ETV6: variants seen among roughly 807,000 people sequenced by gnomAD.
The protein encoded by ETV6 is ETS variant transcription factor 6.
Under a neutral mutation model 51.1 loss-of-function variants are expected in ETV6, and 16 were observed. That is an observed-to-expected ratio of 0.31 (90% CI 0.21 to 0.48). The LOEUF (loss-of-function observed/expected upper bound fraction) is 0.48, where lower values mean the gene tolerates loss of function less well. ETV6 is among the 20% of genes least tolerant of loss of function. The pLI is 0.99. For missense variants in ETV6, 458 were observed against 594.8 expected (o/e 0.77, Z 2.39); for synonymous variants, 240 against 224.1 (o/e 1.07, Z -0.64).
intron 1 of ETV6, among the ~76,000 whole-genome samples, chr12:11,653,511 C>G (rs1269769940): frequency 6.6e-6 from 1 of 152,218 alleles, no homozygotes; most frequent in Non-Finnish European, 1.5e-5. Flanking sequence ...AGCTCCCCTT[C>G]TGGACTCTGG....
intron 2 of ETV6, among the ~76,000 whole-genome samples, chr12:11,775,944 C>T (rs1382573922): frequency 2.0e-5 from 3 of 152,226 alleles, no homozygotes; most frequent in Non-Finnish European, 4.4e-5. Flanking sequence ...TTTTCAGTCT[C>T]ACCAGCATTT....
intron 5 of ETV6, among the ~76,000 whole-genome samples, chr12:11,877,150 G>A (rs1048445926): frequency 1.3e-5 from 2 of 152,174 alleles, no homozygotes; most frequent in East Asian, 3.9e-4. Context: ...GAAGAAAAAA[G>A]TATGAAACTC....
intron 7 of ETV6, among the ~76,000 whole-genome samples, chr12:11,886,840 G>A (rs941131848): frequency 2.6e-5 from 4 of 152,276 alleles, no homozygotes; most frequent in East Asian, 1.9e-4. Context: ...AGTCATTAGC[G>A]GGGCCAACTG....
intron 2 of ETV6, among the ~76,000 whole-genome samples, chr12:11,771,681 G>A (rs1023183348): frequency 6.6e-5 from 10 of 152,292 alleles, no homozygotes; most frequent in Admixed American, 5.9e-4. Flanking sequence ...CCCCTTCCCT[G>A]TAGAATTCTG....
intron 2 of ETV6, among the ~76,000 whole-genome samples, chr12:11,789,081 G>A (rs1235116612): frequency 1.3e-5 from 2 of 152,066 alleles, no homozygotes; most frequent in Non-Finnish European, 2.9e-5. Context: ...CGCCCGGACT[G>A]GAGTGCAGTT....
rs915772588 is a variant in ETV6, at chr12:11,863,160, A to G, written c.464-6264A>G. Among the ~76,000 whole-genome samples, 6 of 152,278 alleles carry G rather than the reference A, an allele frequency of 3.9e-5. No individual in the cohort carries two copies. The East Asian group carries it at 7.7e-4, about 20-fold the overall frequency. ...TGGAAACTTATCGGTCAAAACTTTCACTAAAGGCAGTTTTTTGTCTGTTTG... is the reference window on the plus strand; with the variant it reads ...TGGAAACTTATCGGTCAAAACTTTCGCTAAAGGCAGTTTTTTGTCTGTTTG... On this transcript the variant is annotated intron_variant, in intron 4 of 7. Coordinates refer to ENST00000396373, the MANE Select transcript of ETV6 (RefSeq NM_001987.5).
chr12:11,748,222 T>G (rs1865943346), intron 1 of ETV6, among the ~76,000 whole-genome samples: 1 of 152,212 alleles, frequency 6.6e-6, no homozygotes, highest in South Asian at 2.1e-4. Flanking sequence ...ACCACTATCC[T>G]GTGTCCATGA....
At chr12:11,739,664 A>C (rs1865772643) in intron 1 of ETV6, among the ~76,000 whole-genome samples, 1 of 152,076 alleles carries the variant, frequency 6.6e-6, no homozygotes, top group Non-Finnish European at 1.5e-5. Context: ...GTATGAAAAA[A>C]ACATAAAATA....
At chr12:11,870,232 C>G (rs1306821745) in intron 5 of ETV6, among the ~76,000 whole-genome samples, 3 of 152,068 alleles carry the variant, frequency 2.0e-5, no homozygotes, top group African/African-American at 7.2e-5. Flanking sequence ...AGAGTCACAT[C>G]AGAATCAAGG....
In ETV6 at chr12:11,869,403, G is replaced by A; in HGVS notation, c.464-21G>A. 1 of 1,584,784 alleles carries A rather than the reference G, an allele frequency of 6.3e-7. No homozygotes were observed. The highest frequency in any genetic ancestry group is 8.6e-7 in the Non-Finnish European group (1 of 1,164,458). On this transcript the variant is annotated intron_variant, in intron 4 of 7. Transcript: ENST00000396373. The surrounding 1 kb of genome is among the most constrained non-coding windows in gnomAD (Gnocchi z 5.0). ...TGCCAACTCACTGGGGTCTGTGATT[G>A]TCTTTCCCTCTGCTCCACAGATAAC... is the stretch of plus-strand genomic sequence containing the variant.
At chr12:11,839,035 G>A in intron 2 of ETV6, 105 bp from the exon 3 acceptor site, 2 of 1,209,466 alleles carry the variant, frequency 1.7e-6, no homozygotes, top group Non-Finnish European at 2.3e-6. Context: ...CTTGAGATGT[G>A]GAGACTCATT....
chr12:11,866,309 T>C (rs1591732026), intron 4 of ETV6, among the ~76,000 whole-genome samples: 1 of 152,234 alleles, frequency 6.6e-6, no homozygotes, highest in East Asian at 1.9e-4. Context: ...TGTAAAGTTT[T>C]TCTGTTTGTT....
At chr12:11,865,266 A>C (rs983440302) in intron 4 of ETV6, among the ~76,000 whole-genome samples, 1 of 151,890 alleles carries the variant, frequency 6.6e-6, no homozygotes, top group African/African-American at 2.4e-5. Flanking sequence ...AAAAAAAAAA[A>C]AAATAGTGTC....
intron 1 of ETV6, among the ~76,000 whole-genome samples, chr12:11,674,925 T>C (rs1045244926): frequency 3.3e-5 from 5 of 152,134 alleles, no homozygotes; most frequent in African/African-American, 1.2e-4. Context: ...CCCGCTGCCC[T>C]CCTAATGTTG....
intron 4 of ETV6, among the ~76,000 whole-genome samples, chr12:11,853,861 G>A (rs534441546): frequency 6.6e-6 from 1 of 152,314 alleles, no homozygotes; most frequent in Admixed American, 6.5e-5. Flanking sequence ...CATAAAGGAA[G>A]CAACTCTGGA....
intron 1 of ETV6, among the ~76,000 whole-genome samples, chr12:11,669,522 A>G (rs1489730476): frequency 6.6e-6 from 1 of 151,694 alleles, no homozygotes; most frequent in African/African-American, 2.4e-5. Flanking sequence ...GATAATTACC[A>G]GCGATTCCCA....
chr12:11,671,036 A>G (rs2466582), intron 1 of ETV6, among the ~76,000 whole-genome samples: 139,082 of 152,144 alleles, frequency 0.91, 64,464 homozygotes, highest in Non-Finnish European at 0.99. Context: ...CCCAAACCTT[A>G]AAGGTTCCTG....
intron 2 of ETV6, among the ~76,000 whole-genome samples, chr12:11,786,457 T>G (rs553489185): frequency 6.6e-6 from 1 of 152,086 alleles, no homozygotes; most frequent in South Asian, 2.1e-4. Flanking sequence ...AACAAATAAT[T>G]TGTAGATTTA....
Position 11,894,883 on chromosome 12 carries a change from A to G in ETV6, c.*3837A>G. The G allele has an allele frequency of 4.3e-6, 1 of 233,678 alleles. No individual in the cohort carries two copies. Among genetic ancestry groups the G allele is most frequent in the Non-Finnish European group, 8.5e-6 (1 of 118,036 alleles). 14.5% of individuals were successfully genotyped at this position (233,678 alleles called of 1,614,324 possible). ...GAAACTGAAGATAAAAGATTTGGGA[A>G]AACACACCAAGAAAAAGGGGCAGTT... On this transcript the variant is annotated 3_prime_UTR_variant, in exon 8 of 8. Coordinates refer to ENST00000396373, the MANE Select transcript of ETV6 (RefSeq NM_001987.5).
Sources: allele counts gnomAD v4.1 joint callset (sites outside exome capture counted in the v4.1 genomes callset), GRCh38; gene constraint gnomAD v4.1.1; non-coding constraint Gnocchi (gnomAD v3.1); transcripts MANE v1.5; gene names NCBI Gene and HGNC (gene_info 2026-07-23, HGNC 2026-07-21).